The following STAT4 variants were observed in gnomAD, a reference collection of about 807,000 sequenced individuals.
STAT4 encodes signal transducer and activator of transcription 4.
Under a neutral mutation model 110.5 loss-of-function variants are expected in STAT4, and 42 were observed. That is an observed-to-expected ratio of 0.38 (90% CI 0.30 to 0.49). The LOEUF (loss-of-function observed/expected upper bound fraction) is 0.49. Ranked by LOEUF, STAT4 falls within the 20% of genes least tolerant of loss-of-function variation. The pLI, the probability that STAT4 is intolerant of heterozygous loss-of-function variation, is 0.95. For missense variants in STAT4, 632 were observed against 887.9 expected (o/e 0.71, Z 3.66); for synonymous variants, 284 against 302.2 (o/e 0.94, Z 0.63).
chr2:191,049,364 G>C (rs1263553981), intron 14 of STAT4, among the ~76,000 whole-genome samples: 1 of 151,884 alleles, frequency 6.6e-6, no homozygotes, highest in Non-Finnish European at 1.5e-5. Flanking sequence ...TTTTAGTAGA[G>C]ACGGGGTTTC....
At chr2:191,079,173 G>C (rs1003299458) in intron 3 of STAT4, among the ~76,000 whole-genome samples, 4 of 148,878 alleles carry the variant, frequency 2.7e-5, no homozygotes, top group East Asian at 4.0e-4. Flanking sequence ...AGTAAGTCTT[G>C]ATGTCAAGTA....
At position 191,146,841 on chromosome 2, in the gene STAT4, A is replaced by G; in HGVS notation, c.129-84T>C. 1.5e-6 allele frequency: 2 copies of G among 1,300,536 alleles called. No homozygotes were observed. The highest frequency in any genetic ancestry group is 2.0e-6 in the Non-Finnish European group (2 of 986,370). 80.6% of individuals were successfully genotyped at this position (1,300,536 alleles called of 1,614,324 possible). ...TTACCATACTAACTTTAAAACAATA[A>G]ACCTATTACATGGTGATAAGCATTT... On this transcript the variant is annotated intron_variant, in intron 2 of 23. Transcript: ENST00000392320. The surrounding 1 kb of genome is among the most constrained non-coding windows in gnomAD (Gnocchi z 4.5).
chr2:191,080,855 A>T lies in STAT4; in HGVS notation c.274-4530T>A, dbSNP rs28698047. Among the ~76,000 whole-genome samples the T allele has an allele frequency of 8.4e-4, 128 of 151,602 alleles. 1 individual carries two copies. The highest frequency in any genetic ancestry group is 2.9e-3 in the African/African-American group (118 of 41,388). On this transcript the variant is annotated intron_variant, in intron 3 of 23. Transcript: ENST00000392320. ...AATACCTTTGAAAAAGTTCTTTAAA[A>T]TTTTTTTTTGTTATACTTTAAGTTC...
intron 3 of STAT4, among the ~76,000 whole-genome samples, chr2:191,108,837 A>G (rs6752770): frequency 0.3 from 46,138 of 152,096 alleles, 7,289 homozygotes; most frequent in African/African-American, 0.37. Flanking sequence ...CACTGTGTAC[A>G]TGCCCTTCAA....
Position 191,142,943 on chromosome 2 carries a change from C to T in STAT4, c.273+3670G>A, listed in dbSNP as rs1173066890. On this transcript the variant is annotated intron_variant, in intron 3 of 23. Coordinates refer to ENST00000392320, the MANE Select transcript of STAT4 (RefSeq NM_003151.4). The surrounding 1 kb of genome is among the most constrained non-coding windows in gnomAD (Gnocchi z 4.1). The stretch of plus-strand genomic sequence containing the variant: ...TGTCAAAACCCATAAAATTATACAA[C>T]ACAAGGAGTGAATCTTAATGTAGTC... Among the ~76,000 whole-genome samples the T allele has an allele frequency of 1.3e-5, 2 of 152,044 alleles. No individual in the cohort carries two copies. The highest frequency in any genetic ancestry group is 6.5e-5 in the Admixed American group (1 of 15,270).
At chr2:191,111,491 A>G (rs1195705484) in intron 3 of STAT4, among the ~76,000 whole-genome samples, 4 of 152,332 alleles carry the variant, frequency 2.6e-5, no homozygotes, top group South Asian at 4.1e-4. Flanking sequence ...AGAAATGAAC[A>G]CTTGATTCAT....
rs1034204081 is a variant in STAT4, at chr2:191,053,131, T to A, written c.1251+1359A>T. 1.3e-5 allele frequency among the ~76,000 whole-genome samples: 2 copies of A among 152,198 alleles called. No individual in the cohort carries two copies. The highest frequency in any genetic ancestry group is 4.8e-5 in the African/African-American group (2 of 41,454). ...GTGAGGTGTGATAAATTGGATGTCATTGGATGCTGGATTTATAAAGTGCTT... is the reference window on the plus strand; with the variant it reads ...GTGAGGTGTGATAAATTGGATGTCAATGGATGCTGGATTTATAAAGTGCTT... On this transcript the variant is annotated intron_variant, in intron 14 of 23. Transcript: ENST00000392320. The surrounding 1 kb of genome is among the most constrained non-coding windows in gnomAD (Gnocchi z 4.5).
In STAT4 at chr2:191,058,710, T is replaced by C; in HGVS notation, c.1094A>G (p.Lys365Arg). The C allele has an allele frequency of 6.3e-7, 1 of 1,579,066 alleles. No homozygotes were observed. ...TTCAAAACGAAATTAGAAAACTTAC[T>C]TGTCAATTGATGCCTTAACCTTTAC... ...YQVKVKASIDKNVSTLSNRRF... is the reference protein window; with the variant it reads ...YQVKVKASIDRNVSTLSNRRF... Residue 365 changes from lysine to arginine, a missense_variant and splice_region_variant, in exon 11 of 24, where the codon AAG (lysine) becomes AGG (arginine). Physicochemically the swap from Lys to Arg is conservative, Grantham distance 26. Transcript: ENST00000392320. The surrounding 1 kb of genome is among the most constrained non-coding windows in gnomAD (Gnocchi z 4.3).
chr2:191,036,377 G>T, intron 16 of STAT4, 78 bp from the exon 17 acceptor site: 2 of 1,466,102 alleles, frequency 1.4e-6, no homozygotes, highest in Non-Finnish European at 1.9e-6. Flanking sequence ...GGCAAGAGAG[G>T]TCTCCCCCTC....
chr2:191,077,917 A>T lies in STAT4; in HGVS notation c.274-1592T>A, dbSNP rs1330392723. ...TAAAGAAATAAAAATGATCCTATTTATGAAGCGGGGATACCATTTTTTCCA... is the reference window on the plus strand; with the variant it reads ...TAAAGAAATAAAAATGATCCTATTTTTGAAGCGGGGATACCATTTTTTCCA... On this transcript the variant is annotated intron_variant, in intron 3 of 23. Transcript: ENST00000392320. This position sits in a 1 kb window ranked among gnomAD's most constrained non-coding sequence, Gnocchi z 4.1. Among the ~76,000 whole-genome samples, 1 of 152,158 alleles carries T rather than the reference A, an allele frequency of 6.6e-6. No homozygotes were observed. The highest frequency in any genetic ancestry group is 2.4e-5 in the African/African-American group (1 of 41,452).
chr2:191,045,933 G>A (rs1696337996), intron 14 of STAT4, among the ~76,000 whole-genome samples: 1 of 152,178 alleles, frequency 6.6e-6, no homozygotes, highest in Non-Finnish European at 1.5e-5. Context: ...GCCCCTTTAT[G>A]TTAAATAAGT....
chr2:191,043,701 T>C lies in STAT4; in HGVS notation c.1252-2553A>G, dbSNP rs1255074844. Among the ~76,000 whole-genome samples, 1 of 151,844 alleles carries C rather than the reference T, an allele frequency of 6.6e-6. No individual in the cohort carries two copies. The highest frequency in any genetic ancestry group is 2.4e-5 in the African/African-American group (1 of 41,302). On this transcript the variant is annotated intron_variant, in intron 14 of 23. Transcript: ENST00000392320. The surrounding 1 kb of genome is among the most constrained non-coding windows in gnomAD (Gnocchi z 4.8). ...TTAGAATGCTAAAATGATTCATCAATAGGAGAATAGCTAGCTATACTGTGT... is the reference window on the plus strand; with the variant it reads ...TTAGAATGCTAAAATGATTCATCAACAGGAGAATAGCTAGCTATACTGTGT...
At chr2:191,092,763 C>T (rs968065779) in intron 3 of STAT4, among the ~76,000 whole-genome samples, 7 of 152,108 alleles carry the variant, frequency 4.6e-5, no homozygotes, top group South Asian at 2.1e-4. Flanking sequence ...CCAGGAAGTG[C>T]GAAGGGTCGG....
chr2:191,145,021 G>A (rs1574202376), intron 3 of STAT4, among the ~76,000 whole-genome samples: 2 of 152,114 alleles, frequency 1.3e-5, no homozygotes, highest in East Asian at 3.9e-4. Flanking sequence ...AGTGACCTAT[G>A]GACTCTTTAC....
rs1213605793 is a variant in STAT4 at position 191,033,641 on chromosome 2, T to A, written c.1716-15A>T. ...CCATGACATACCTAAAAATAGAACATGCATTATTTCATCTGATCATTATTG... is the reference window on the plus strand; with the variant it reads ...CCATGACATACCTAAAAATAGAACAAGCATTATTTCATCTGATCATTATTG... On this transcript the variant is annotated splice_polypyrimidine_tract_variant and intron_variant, in intron 19 of 23. Coordinates refer to ENST00000392320, the MANE Select transcript of STAT4 (RefSeq NM_003151.4). The surrounding 1 kb of genome is among the most constrained non-coding windows in gnomAD (Gnocchi z 6.9). The A allele has an allele frequency of 3.1e-6, 5 of 1,609,054 alleles. No individual in the cohort carries two copies. The highest frequency in any genetic ancestry group is 1.1e-5 in the South Asian group (1 of 89,922).
chr2:191,069,286 A>G (rs1051360992), intron 6 of STAT4, among the ~76,000 whole-genome samples: 4 of 152,098 alleles, frequency 2.6e-5, no homozygotes, highest in African/African-American at 9.7e-5. Context: ...AATCTTAGAA[A>G]ATTATATTAT....
At chr2:191,115,032 A>AT (rs954062249) in intron 3 of STAT4, among the ~76,000 whole-genome samples, 10 of 151,890 alleles carry the variant, frequency 6.6e-5, no homozygotes, top group South Asian at 2.1e-4. Flanking sequence ...TGGTATTTTG[A>AT]TTTTTTTTAC....
At chr2:191,088,540 C>T (rs1283882703) in intron 3 of STAT4, among the ~76,000 whole-genome samples, 3 of 152,080 alleles carry the variant, frequency 2.0e-5, no homozygotes, top group Non-Finnish European at 2.9e-5. Context: ...TCTACAGATT[C>T]CAATCAAAAT....
In STAT4 at chr2:191,116,900, C is replaced by T. The variant is rs1234415026; in HGVS notation, c.273+29713G>A. ...TAAATAAATCTTTGGGAATCCATCGCTTCCACTAAGAAAGCAACTCAAATA... is the reference window on the plus strand; with the variant it reads ...TAAATAAATCTTTGGGAATCCATCGTTTCCACTAAGAAAGCAACTCAAATA... On this transcript the variant is annotated intron_variant, in intron 3 of 23. Transcript: ENST00000392320. This position sits in a 1 kb window ranked among gnomAD's most constrained non-coding sequence, Gnocchi z 4.1. Among the ~76,000 whole-genome samples, 1 of 152,208 alleles carries T rather than the reference C, an allele frequency of 6.6e-6. No homozygotes were observed. Among genetic ancestry groups the T allele is most frequent in the African/African-American group, 2.4e-5 (1 of 41,450 alleles).
Sources: gnomAD v4.1 joint callset for allele counts (sites outside exome capture counted in the v4.1 genomes callset) on GRCh38, gnomAD v4.1.1 for gene constraint, Gnocchi (gnomAD v3.1) non-coding constraint, MANE v1.5 for transcripts, NCBI Gene and HGNC (gene_info 2026-07-23, HGNC 2026-07-21) for gene names.